The following MTHFD1L variants were observed in gnomAD, a reference collection of about 807,000 sequenced individuals.
MTHFD1L encodes the protein monofunctional C1-tetrahydrofolate synthase, mitochondrial.
MTHFD1L carries 81 observed loss-of-function variants against 119.5 expected under a neutral mutation model. The observed-to-expected ratio is 0.68, with a 90% CI of 0.57 to 0.82. The LOEUF (loss-of-function observed/expected upper bound fraction) is 0.82. MTHFD1L is among the 40% of genes least tolerant of loss of function. The probability of loss-of-function intolerance (pLI) is 0.00; values close to 1 mark genes in which losing one functional copy is unlikely to be tolerated. For missense variants in MTHFD1L, 1,125 were observed against 1,253.4 expected (o/e 0.90, Z 1.55); for synonymous variants, 430 against 475.2 (o/e 0.90, Z 1.24).
chr6:151,075,551 AT>A (rs1792408227), intron 26 of MTHFD1L, among the ~76,000 whole-genome samples: 1 of 152,198 alleles, frequency 6.6e-6, no homozygotes, highest in South Asian at 2.1e-4. Flanking sequence ...TATAGTCAGA[AT>A]TTTTTAAACC....
intron 26 of MTHFD1L, among the ~76,000 whole-genome samples, chr6:151,084,496 C>A (rs990951459): frequency 5.9e-5 from 9 of 152,120 alleles, no homozygotes; most frequent in African/African-American, 1.9e-4. Flanking sequence ...CCAGGGTGGT[C>A]TTGAACTCCT....
At chr6:150,976,439 G>A (rs1325118745) in intron 20 of MTHFD1L, among the ~76,000 whole-genome samples, 1 of 152,206 alleles carries the variant, frequency 6.6e-6, no homozygotes, top group Non-Finnish European at 1.5e-5. Flanking sequence ...ACACCAATTT[G>A]AGGCCCGAAA....
At chr6:151,040,011 A>G (rs934193382) in intron 26 of MTHFD1L, among the ~76,000 whole-genome samples, 2 of 152,176 alleles carry the variant, frequency 1.3e-5, no homozygotes, top group African/African-American at 4.8e-5. Context: ...CCTGAGCTTT[A>G]GCTGGTGAAA....
At position 151,039,784 on chromosome 6, in the gene MTHFD1L, G is replaced by A. The variant is rs1204328763; in HGVS notation, c.2847+2667G>A. ...ACAAAAATTTGCCGGGCGGGGTGGT[G>A]GGCACCTATAATCCCAGCTGCTCAG... is the stretch of plus-strand genomic sequence containing the variant. On this transcript the variant is annotated intron_variant, in intron 26 of 27. Coordinates refer to ENST00000367321, the MANE Select transcript of MTHFD1L (RefSeq NM_015440.5). The surrounding 1 kb of genome is among the most constrained non-coding windows in gnomAD (Gnocchi z 4.4). Among the ~76,000 whole-genome samples, 2 of 152,044 alleles carry A rather than the reference G, an allele frequency of 1.3e-5. No individual in the cohort carries two copies. The highest frequency in any genetic ancestry group is 2.9e-5 in the Non-Finnish European group (2 of 68,022).
At chr6:150,973,581 A>G (rs139140724) in intron 20 of MTHFD1L, among the ~76,000 whole-genome samples, 125 of 152,302 alleles carry the variant, frequency 8.2e-4, no homozygotes, top group African/African-American at 1.6e-3. Context: ...GAAGCACTCT[A>G]TTTTATGCTG....
intron 26 of MTHFD1L, among the ~76,000 whole-genome samples, chr6:151,058,944 G>A (rs1390568709): frequency 1.3e-5 from 2 of 152,074 alleles, no homozygotes; most frequent in Non-Finnish European, 2.9e-5. Context: ...CCAAAGTGCT[G>A]GGAGTACAGG....
chr6:151,065,266 T>C (rs1378873070), intron 26 of MTHFD1L, among the ~76,000 whole-genome samples: 1 of 152,208 alleles, frequency 6.6e-6, no homozygotes, highest in Non-Finnish European at 1.5e-5. Flanking sequence ...GCTGACCATC[T>C]TTCCTATCCA....
At chr6:150,874,023 T>G (rs143032256) in intron 1 of MTHFD1L, among the ~76,000 whole-genome samples, 3 of 152,214 alleles carry the variant, frequency 2.0e-5, no homozygotes, top group Non-Finnish European at 4.4e-5. Context: ...CATGAACCGC[T>G]TGGGTCCCAC....
At chr6:151,033,718 A>C (rs966082992) in intron 24 of MTHFD1L, among the ~76,000 whole-genome samples, 1 of 152,132 alleles carries the variant, frequency 6.6e-6, no homozygotes, top group African/African-American at 2.4e-5. Flanking sequence ...TTTCCAATAT[A>C]GTGTTTGATC....
At chr6:150,944,725 C>G (rs899453045) in intron 14 of MTHFD1L, 132 bp downstream of exon 14, 2 of 676,546 alleles carry the variant, frequency 3.0e-6, no homozygotes, top group Non-Finnish European at 5.1e-6. Flanking sequence ...GTGATTTTTA[C>G]ATATGTCCCT....
chr6:151,084,240 T>A (rs1793502244), intron 26 of MTHFD1L, among the ~76,000 whole-genome samples: 1 of 152,168 alleles, frequency 6.6e-6, no homozygotes, highest in Admixed American at 6.5e-5. Flanking sequence ...CATTCTGTCT[T>A]ACACTGGATC....
At chr6:150,897,491 G>A (rs943799260) in intron 7 of MTHFD1L, among the ~76,000 whole-genome samples, 1 of 152,176 alleles carries the variant, frequency 6.6e-6, no homozygotes, top group Non-Finnish European at 1.5e-5. Context: ...CTTGCTTTCC[G>A]ATTTTTCTGT....
intron 18 of MTHFD1L, among the ~76,000 whole-genome samples, chr6:150,963,384 C>A (rs1796737481): frequency 6.6e-6 from 1 of 152,138 alleles, no homozygotes; most frequent in Non-Finnish European, 1.5e-5. Flanking sequence ...ATTCTCACCA[C>A]CAAAATGATA....
At chr6:151,079,330 A>G (rs947818480) in intron 26 of MTHFD1L, among the ~76,000 whole-genome samples, 12 of 152,130 alleles carry the variant, frequency 7.9e-5, no homozygotes, top group African/African-American at 2.2e-4. Context: ...CGGCAAGACC[A>G]GGACAGCAGC....
intron 7 of MTHFD1L, among the ~76,000 whole-genome samples, chr6:150,894,673 T>A (rs575809242): frequency 6.6e-6 from 1 of 152,180 alleles, no homozygotes; most frequent in African/African-American, 2.4e-5. Context: ...ACTTTCAGGC[T>A]CTGTAGGTTT....
At chr6:150,976,639 AG>A (rs1754407923) in intron 20 of MTHFD1L, among the ~76,000 whole-genome samples, 1 of 152,246 alleles carries the variant, frequency 6.6e-6, no homozygotes, top group Admixed American at 6.5e-5. Context: ...CTCAAACCAT[AG>A]AGAAAAATGT....
At chr6:151,090,987 CAG>C (rs1436588737) in intron 26 of MTHFD1L, among the ~76,000 whole-genome samples, 15 of 136,012 alleles carry the variant, frequency 1.1e-4, no homozygotes, top group Non-Finnish European at 2.1e-4. Context: ...CGACTGGGTG[CAG>C]CATCGTTCCA....
chr6:151,096,647 G>T (rs1794917831), intron 27 of MTHFD1L, among the ~76,000 whole-genome samples: 1 of 152,194 alleles, frequency 6.6e-6, no homozygotes, highest in Admixed American at 6.5e-5. Context: ...TGTCTGGCTT[G>T]CTGACGTTGC....
intron 17 of MTHFD1L, chr6:150,959,261 A>G (rs1251986473): frequency 1.1e-6 from 1 of 927,312 alleles, no homozygotes; most frequent in Non-Finnish European, 1.3e-6. Context: ...ATGGAAATGG[A>G]TAATAAAATG....
Sources: gnomAD v4.1 joint callset for allele counts (sites outside exome capture counted in the v4.1 genomes callset) on GRCh38, gnomAD v4.1.1 for gene constraint, Gnocchi (gnomAD v3.1) non-coding constraint, MANE v1.5 for transcripts, NCBI Gene and HGNC (gene_info 2026-07-23, HGNC 2026-07-21) for gene names.